HNRNPC: variants seen among roughly 807,000 people sequenced by gnomAD.
HNRNPC encodes the protein heterogeneous nuclear ribonucleoproteins C1/C2.
A neutral mutation model predicts 33.2 loss-of-function variants in HNRNPC; 3 were observed. That is an observed-to-expected ratio of 0.09 (90% CI 0.04 to 0.23). HNRNPC has a LOEUF of 0.23. Among genes scored for constraint, HNRNPC ranks in the 10% least tolerant of loss-of-function variants. The pLI is 1.00. For missense variants in HNRNPC, 143 were observed against 366.7 expected (o/e 0.39, Z 4.98); for synonymous variants, 121 against 126.7 (o/e 0.96, Z 0.30).
At chr14:21,218,117 C>A (rs896972426) in intron 5 of HNRNPC, among the ~76,000 whole-genome samples, 1 of 152,078 alleles carries the variant, frequency 6.6e-6, no homozygotes, top group East Asian at 1.9e-4. Flanking sequence ...TACACGATAC[C>A]AAGCCAAGCT....
chr14:21,261,860 C>T (rs1878303626), intron 2 of HNRNPC, among the ~76,000 whole-genome samples: 1 of 152,194 alleles, frequency 6.6e-6, no homozygotes, highest in Non-Finnish European at 1.5e-5. Context: ...CTCAACTTCT[C>T]TTTGGCTATC....
At chr14:21,253,001 C>A (rs1415782952) in intron 2 of HNRNPC, among the ~76,000 whole-genome samples, 1 of 151,402 alleles carries the variant, frequency 6.6e-6, no homozygotes, top group Non-Finnish European at 1.5e-5. Flanking sequence ...TGGTGAAACC[C>A]CATCTCTACT....
intron 2 of HNRNPC, among the ~76,000 whole-genome samples, chr14:21,254,326 T>C (rs1340902276): frequency 6.6e-6 from 1 of 152,126 alleles, no homozygotes; most frequent in Non-Finnish European, 1.5e-5. Context: ...ACTACAAATT[T>C]TTCAGAGATC....
At chr14:21,262,086 CTT>C (rs1878341014) in intron 2 of HNRNPC, among the ~76,000 whole-genome samples, 1 of 152,176 alleles carries the variant, frequency 6.6e-6, no homozygotes, top group Non-Finnish European at 1.5e-5. Context: ...GATTTCCCTG[CTT>C]TGTGAGGTCA....
chr14:21,213,219 G>T, intron 5 of HNRNPC, 102 bp from the exon 6 acceptor site: 1 of 1,201,508 alleles, frequency 8.3e-7, no homozygotes, highest in Non-Finnish European at 1.1e-6. Context: ...GTCTCTAGTC[G>T]TTTCCTTTTA....
At chr14:21,216,696 A>T (rs1190989565) in intron 5 of HNRNPC, among the ~76,000 whole-genome samples, 11 of 152,202 alleles carry the variant, frequency 7.2e-5, no homozygotes, top group Non-Finnish European at 1.6e-4. Flanking sequence ...ATCACAGAGT[A>T]AGACTCCGTC....
intron 3 of HNRNPC, among the ~76,000 whole-genome samples, chr14:21,232,155 C>A (rs1038614508): frequency 6.6e-6 from 1 of 152,190 alleles, no homozygotes; most frequent in Non-Finnish European, 1.5e-5. Flanking sequence ...CTGCCACCCA[C>A]TGCCTACCAA....
At position 21,211,520 on chromosome 14, in the gene HNRNPC, G is replaced by A. The variant is rs751888875; in HGVS notation, c.684C>T (p.Ser228=). 20 of 1,611,346 alleles carry A rather than the reference G, an allele frequency of 1.2e-5. No homozygotes were observed. The highest frequency in any genetic ancestry group is 1.7e-5 in the Admixed American group (1 of 59,722). The change falls in exon 8 of 9, where the codon TCC becomes TCT. Residue 228 remains serine (S), a synonymous_variant. Coordinates refer to ENST00000553300, the MANE Select transcript of HNRNPC (RefSeq NM_004500.4). ...TCACATTAGTCTCATCTTTCTTCAC[G>A]GAGCTGCTGCTCTGCTCCTCTTCTG... ...DKSEEEQSSS[S]VKKDETNVKM... is the part of the protein sequence containing the mutation.
intron 3 of HNRNPC, among the ~76,000 whole-genome samples, chr14:21,231,949 A>C (rs904969534): frequency 6.6e-6 from 1 of 152,168 alleles, no homozygotes; most frequent in Non-Finnish European, 1.5e-5. Flanking sequence ...ATCATCCTCA[A>C]AGGCAACTTC....
Position 21,216,120 on chromosome 14 carries a change from C to CAAAAAAAAA in HNRNPC, c.366-3012_366-3004dup, listed in dbSNP as rs370660995. 2.3e-5 allele frequency among the ~76,000 whole-genome samples: 2 copies of CAAAAAAAAA among 87,844 alleles called. 1 individual carries two copies. The highest frequency in any genetic ancestry group is 8.9e-5 in the African/African-American group (2 of 22,458). 57.6% of individuals were successfully genotyped at this position (87,844 alleles called of 152,430 possible). A position where few individuals can be genotyped will look rare whatever the true frequency, so the allele number is the denominator to read the frequency against. On this transcript the variant is annotated intron_variant, in intron 5 of 8. Coordinates refer to ENST00000553300, the MANE Select transcript of HNRNPC (RefSeq NM_004500.4). ...TAAAAACTTTTGTCTCCTCCACCACCAAAAAAAAAAAAAAAAAAAAAGACA... is the reference window on the plus strand; with the variant it reads ...TAAAAACTTTTGTCTCCTCCACCACCAAAAAAAAAAAAAAAAAAAAAAAAAAAAAAGACA...
chr14:21,242,196 G>T (rs373759028), intron 2 of HNRNPC, among the ~76,000 whole-genome samples: 17 of 149,640 alleles, frequency 1.1e-4, no homozygotes, highest in African/African-American at 3.8e-4. Context: ...ATAATAATAA[G>T]GTGTGGGGCC....
chr14:21,253,839 G>A (rs2138946781), intron 2 of HNRNPC, among the ~76,000 whole-genome samples: 1 of 152,190 alleles, frequency 6.6e-6, no homozygotes, highest in South Asian at 2.1e-4. Context: ...GCTAAGGCGG[G>A]CAGATCACGA....
chr14:21,258,242 T>C (rs1239510114), intron 2 of HNRNPC, among the ~76,000 whole-genome samples: 1 of 151,972 alleles, frequency 6.6e-6, no homozygotes, highest in East Asian at 1.9e-4. Context: ...ATATAAAAAT[T>C]AGCTGGGTGT....
intron 2 of HNRNPC, among the ~76,000 whole-genome samples, chr14:21,259,999 A>G (rs1245036898): frequency 6.6e-6 from 1 of 150,390 alleles, no homozygotes; most frequent in Non-Finnish European, 1.5e-5. Context: ...GGAGATCGAG[A>G]CCATCCCGGC....
chr14:21,211,975 G>T, intron 6 of HNRNPC, 52 bp from the exon 7 acceptor site: 1 of 1,384,128 alleles, frequency 7.2e-7, no homozygotes, highest in Non-Finnish European at 1.0e-6. Flanking sequence ...GAAGATATGA[G>T]TTAGCAAATA....
At chr14:21,214,554 T>G (rs1350953374) in intron 5 of HNRNPC, among the ~76,000 whole-genome samples, 1 of 152,076 alleles carries the variant, frequency 6.6e-6, no homozygotes, top group East Asian at 1.9e-4. Context: ...ACTGCACTCA[T>G]GCGGAACAGA....
rs547686989 is a variant in HNRNPC at position 21,222,544 on chromosome 14, T to C, written c.365+7775A>G. ...TCTTTCATTTTATGGTTACTACATTTTGTTTATTCTTTAGTCAGTTGATGG... is the reference window on the plus strand; with the variant it reads ...TCTTTCATTTTATGGTTACTACATTCTGTTTATTCTTTAGTCAGTTGATGG... On this transcript the variant is annotated intron_variant, in intron 5 of 8. Coordinates refer to ENST00000553300, the MANE Select transcript of HNRNPC (RefSeq NM_004500.4). Among the ~76,000 whole-genome samples, 23 of 152,294 alleles carry C rather than the reference T, an allele frequency of 1.5e-4. No homozygotes were observed. The East Asian group carries it at 3.7e-3, about 24-fold the overall frequency.
intron 2 of HNRNPC, among the ~76,000 whole-genome samples, chr14:21,259,872 C>T: frequency 8.2e-6 from 1 of 121,490 alleles, no homozygotes; most frequent in Non-Finnish European, 1.7e-5. Context: ...AAAATGAGAC[C>T]TGTCTCCACC....
At chr14:21,264,106 C>T (rs532204670) in intron 1 of HNRNPC, 1 of 152,164 alleles carries the variant, frequency 6.6e-6, no homozygotes, top group South Asian at 2.1e-4. Context: ...TGATAATGAG[C>T]AGTTTGGGCA....
Sources: gnomAD v4.1 joint callset for allele counts (sites outside exome capture counted in the v4.1 genomes callset) on GRCh38, gnomAD v4.1.1 for gene constraint, MANE v1.5 for transcripts, NCBI Gene and HGNC (gene_info 2026-07-23, HGNC 2026-07-21) for gene names.